CSMD1: variants seen among roughly 807,000 people sequenced by gnomAD.
CSMD1 encodes the protein CUB and sushi domain-containing protein 1.
Under a neutral mutation model 417.5 loss-of-function variants are expected in CSMD1, and 213 were observed. The ratio of observed to expected loss-of-function variants is 0.51; its 90% CI spans 0.46 to 0.57. The LOEUF (loss-of-function observed/expected upper bound fraction) is 0.57, where lower values mean the gene tolerates loss of function less well. Ranked by LOEUF, CSMD1 falls within the 20% of genes least tolerant of loss-of-function variation. The pLI is 0.00. For missense variants in CSMD1, 6,923 were observed against 4,529.7 expected (o/e 1.53, Z -15.17); for synonymous variants, 2,862 against 1,736.8 (o/e 1.65, Z -16.11).
chr8:3,899,777 T>G (rs1224316664), intron 5 of CSMD1, among the ~76,000 whole-genome samples: 1 of 152,174 alleles, frequency 6.6e-6, no homozygotes, highest in Non-Finnish European at 1.5e-5. Context: ...GGGCACAGTT[T>G]TGACCTGACT....
intron 5 of CSMD1, among the ~76,000 whole-genome samples, chr8:3,980,178 G>A (rs79071316): frequency 0.022 from 3,307 of 152,254 alleles, 89 homozygotes; most frequent in South Asian, 0.1. Context: ...ATGACACAAT[G>A]TTATCACTTT....
At chr8:3,821,620 A>G (rs1801741709) in intron 5 of CSMD1, among the ~76,000 whole-genome samples, 1 of 152,128 alleles carries the variant, frequency 6.6e-6, no homozygotes, top group South Asian at 2.1e-4. Context: ...TGTCTCTACT[A>G]ATAATACAAA....
intron 7 of CSMD1, among the ~76,000 whole-genome samples, chr8:3,695,492 T>C (rs118173931): frequency 0.016 from 2,460 of 152,280 alleles, 43 homozygotes; most frequent in Non-Finnish European, 0.021. Context: ...TACCTTATGA[T>C]AATTAGCGTT....
intron 3 of CSMD1, among the ~76,000 whole-genome samples, chr8:4,383,071 G>A (rs1241490120): frequency 3.9e-5 from 6 of 152,122 alleles, no homozygotes; most frequent in Non-Finnish European, 1.5e-5. Context: ...AGTAATAGCT[G>A]CTCCATGATT....
At chr8:3,369,950 C>G (rs1809843495) in intron 18 of CSMD1, among the ~76,000 whole-genome samples, 1 of 152,098 alleles carries the variant, frequency 6.6e-6, no homozygotes, top group Admixed American at 6.6e-5. Context: ...TTACATTTCT[C>G]CCATCTTGAA....
In CSMD1 at chr8:3,009,593, G is replaced by A. The variant is rs865937278; in HGVS notation, c.8029+8884C>T. Among the ~76,000 whole-genome samples the A allele has an allele frequency of 3.9e-5, 6 of 152,312 alleles. No homozygotes were observed. In the South Asian group the frequency reaches 1.0e-3, roughly 26 times the overall value. On this transcript the variant is annotated intron_variant, in intron 52 of 69. Transcript: ENST00000635120. Reference sequence around the variant, plus strand: ...AGTACACTTCAACGGACATATTGAAGTCTCTTGATCTCCATATGCTAAAGA... The same window carrying A: ...AGTACACTTCAACGGACATATTGAAATCTCTTGATCTCCATATGCTAAAGA...
At chr8:3,242,113 C>T (rs1473249917) in intron 26 of CSMD1, among the ~76,000 whole-genome samples, 1 of 150,900 alleles carries the variant, frequency 6.6e-6, no homozygotes, top group Non-Finnish European at 1.5e-5. Flanking sequence ...GAGCATTAAC[C>T]TTGACTATGC....
chr8:4,584,200 C>A (rs927540852), intron 2 of CSMD1, among the ~76,000 whole-genome samples: 1 of 152,020 alleles, frequency 6.6e-6, no homozygotes, highest in Non-Finnish European at 1.5e-5. Context: ...TGGCATCATT[C>A]TTGAAGCTAG....
chr8:4,845,539 G>T (rs1010642686), intron 1 of CSMD1, among the ~76,000 whole-genome samples: 1 of 152,196 alleles, frequency 6.6e-6, no homozygotes, highest in Non-Finnish European at 1.5e-5. Flanking sequence ...GGCCACTGTT[G>T]AACTTTGGCC....
rs928063403 is a variant in CSMD1, at chr8:2,950,304, G to C, written c.10241C>G (p.Ala3414Gly). ...ATCTGCCTGGCCTTTAATTTGAAAA[G>C]CTTTCAGGAGTAAGTGGGCCTCCTC... ...KKEEAHLLLKAFQIKGQADIF... is the reference protein window; with the variant it reads ...KKEEAHLLLKGFQIKGQADIF... Residue 3414 changes from alanine to glycine, a missense_variant, in exon 67 of 70, where the codon GCT (alanine) becomes GGT (glycine). By Grantham distance (60) the Ala-to-Gly change is moderately conservative (BLOSUM62 0). Transcript: ENST00000635120. 6.2e-7 allele frequency: 1 copy of C among 1,613,436 alleles called. No individual in the cohort carries two copies. The highest frequency in any genetic ancestry group is 1.1e-5 in the South Asian group (1 of 91,068).
chr8:4,311,559 C>G (rs991328962), intron 3 of CSMD1, among the ~76,000 whole-genome samples: 2 of 151,844 alleles, frequency 1.3e-5, no homozygotes, highest in African/African-American at 4.8e-5. Context: ...CCTGTCTCTA[C>G]TAAAAATATA....
chr8:4,642,996 G>C (rs1000160746), intron 1 of CSMD1, among the ~76,000 whole-genome samples: 1 of 152,230 alleles, frequency 6.6e-6, no homozygotes, highest in East Asian at 1.9e-4. Context: ...CAGAGGAACA[G>C]TCTGGAGATG....
intron 18 of CSMD1, among the ~76,000 whole-genome samples, chr8:3,372,134 G>C (rs964099802): frequency 6.6e-6 from 1 of 152,170 alleles, no homozygotes; most frequent in Non-Finnish European, 1.5e-5. Flanking sequence ...ATGGGATAGT[G>C]TGAGGCTTCT....
chr8:4,325,120 A>G (rs776880773), intron 3 of CSMD1, among the ~76,000 whole-genome samples: 1 of 152,186 alleles, frequency 6.6e-6, no homozygotes, highest in Admixed American at 6.5e-5. Context: ...GATACTGCAC[A>G]TTGTATGCAA....
Position 4,411,642 on chromosome 8 carries a change from T to C in CSMD1, c.415+8311A>G, listed in dbSNP as rs192845588. Among the ~76,000 whole-genome samples, 49 of 152,264 alleles carry C rather than the reference T, an allele frequency of 3.2e-4. 1 individual carries two copies. The highest frequency in any genetic ancestry group is 9.9e-4 in the African/African-American group (41 of 41,548). ...CTTCCACCTGCTCATTCCATTCTTC[T>C]CAAACCTAATTTATTTTCACAATTC... On this transcript the variant is annotated intron_variant, in intron 3 of 69. Transcript: ENST00000635120.
intron 57 of CSMD1, among the ~76,000 whole-genome samples, chr8:2,972,864 G>A (rs1302984648): frequency 6.6e-6 from 1 of 152,182 alleles, no homozygotes; most frequent in East Asian, 1.9e-4. Context: ...ATCACTGGGA[G>A]AAGATTAGAA....
chr8:3,385,793 A>C (rs1370885819), intron 18 of CSMD1, among the ~76,000 whole-genome samples: 1 of 152,128 alleles, frequency 6.6e-6, no homozygotes, highest in Non-Finnish European at 1.5e-5. Flanking sequence ...ACTACTGTTC[A>C]CAGGTTTTCA....
chr8:4,683,135 G>A (rs992169960), intron 1 of CSMD1, among the ~76,000 whole-genome samples: 2 of 151,544 alleles, frequency 1.3e-5, no homozygotes, highest in South Asian at 2.1e-4. Context: ...TTATGAATTA[G>A]TATGGTCAGT....
chr8:4,243,773 C>G (rs757676642), intron 3 of CSMD1, among the ~76,000 whole-genome samples: 13 of 152,000 alleles, frequency 8.6e-5, no homozygotes, highest in African/African-American at 3.1e-4. Context: ...TAGTATTCAA[C>G]GAGGAAAGAA....
Sources: gnomAD v4.1 joint callset for allele counts (sites outside exome capture counted in the v4.1 genomes callset) on GRCh38, gnomAD v4.1.1 for gene constraint, MANE v1.5 for transcripts, NCBI Gene and HGNC (gene_info 2026-07-23, HGNC 2026-07-21) for gene names.